The following KIRREL3 variants were observed in gnomAD, a reference collection of about 807,000 sequenced individuals.
The protein encoded by KIRREL3 is kirre like nephrin family adhesion molecule 3.
KIRREL3 carries 36 observed loss-of-function variants against 89.7 expected under a neutral mutation model. The ratio of observed to expected loss-of-function variants is 0.40; its 90% CI spans 0.31 to 0.53. The LOEUF is 0.53. KIRREL3 is among the 20% of genes least tolerant of loss of function. The probability of loss-of-function intolerance (pLI) is 0.49; values close to 1 mark genes in which losing one functional copy is unlikely to be tolerated. For synonymous variants in KIRREL3, 445 were observed against 441.4 expected, an observed-to-expected ratio of 1.01 and a Z score of -0.10; for missense variants, 864 against 1,056.6, an observed-to-expected ratio of 0.82 and a Z score of 2.53.
intron 1 of KIRREL3, among the ~76,000 whole-genome samples, chr11:126,590,886 T>G (rs1196278438): frequency 2.6e-5 from 4 of 152,222 alleles, no homozygotes; most frequent in Non-Finnish European, 4.4e-5. Context: ...AAATTTGTCC[T>G]GTATGTCTCA....
In KIRREL3 at chr11:126,568,132, A is replaced by G. The variant is rs1442116261; in HGVS notation, c.56-5220T>C. Among the ~76,000 whole-genome samples, 1 of 152,130 alleles carries G rather than the reference A, an allele frequency of 6.6e-6. No individual in the cohort carries two copies. Among genetic ancestry groups the G allele is most frequent in the Non-Finnish European group, 1.5e-5 (1 of 68,014 alleles). On this transcript the variant is annotated intron_variant, in intron 1 of 16. Transcript: ENST00000525144. The surrounding 1 kb of genome is among the most constrained non-coding windows in gnomAD (Gnocchi z 4.6). ...AGCAGAAGAAAAAAGATGAGACAGG[A>G]GATCTAGCCAGGGACCAGATCCTGG... is the stretch of plus-strand genomic sequence containing the variant.
At chr11:126,733,291 C>T (rs1025626117) in intron 1 of KIRREL3, among the ~76,000 whole-genome samples, 3 of 152,202 alleles carry the variant, frequency 2.0e-5, no homozygotes, top group African/African-American at 7.2e-5. Flanking sequence ...AGATGAGAAC[C>T]TCAGTCATGG....
At chr11:126,510,469 C>CTTCCTTCCTTCCT (rs1439371645) in intron 4 of KIRREL3, among the ~76,000 whole-genome samples, 7 of 117,250 alleles carry the variant, frequency 6.0e-5, no homozygotes, top group African/African-American at 1.9e-4. Flanking sequence ...TCCTTCCTTC[C>CTTCCTTCCTTCCT]TTTTTTTTGA....
At position 126,987,126 on chromosome 11, in the gene KIRREL3, A is replaced by G. The variant is rs1949890027; in HGVS notation, c.55+13329T>C. Among the ~76,000 whole-genome samples, 1 of 152,332 alleles carries G rather than the reference A, an allele frequency of 6.6e-6. No individual in the cohort carries two copies. The highest frequency in any genetic ancestry group is 1.9e-4 in the East Asian group (1 of 5,180). ...ATCTACGAACTCAGATAACCCAGGA[A>G]CCATAGAAAGACCCTAATACTTCCT... On this transcript the variant is annotated intron_variant, in intron 1 of 16. Coordinates refer to ENST00000525144, the MANE Select transcript of KIRREL3 (RefSeq NM_032531.4). The surrounding 1 kb of genome is among the most constrained non-coding windows in gnomAD (Gnocchi z 4.6).
chr11:126,641,916 G>A lies in KIRREL3; in HGVS notation c.56-79004C>T, dbSNP rs918911962. On this transcript the variant is annotated intron_variant, in intron 1 of 16. Transcript: ENST00000525144. The surrounding 1 kb of genome is among the most constrained non-coding windows in gnomAD (Gnocchi z 5.0). The stretch of plus-strand genomic sequence containing the variant: ...TTCCACTCTTTCTCAGGTCAGGAAC[G>A]TGTCAATTCTGCAACTTCAAGTGGC... Among the ~76,000 whole-genome samples, 3 of 152,278 alleles carry A rather than the reference G, an allele frequency of 2.0e-5. No homozygotes were observed. Among genetic ancestry groups the A allele is most frequent in the African/African-American group, 7.2e-5 (3 of 41,552 alleles).
intron 1 of KIRREL3, among the ~76,000 whole-genome samples, chr11:126,592,844 A>G (rs1424369340): frequency 6.6e-6 from 1 of 152,094 alleles, no homozygotes; most frequent in Non-Finnish European, 1.5e-5. Flanking sequence ...GGAGCAAGAC[A>G]CTCTCAGCTC....
Position 126,669,839 on chromosome 11 carries a change from CT to C in KIRREL3, c.56-106928del, listed in dbSNP as rs1197537444. On this transcript the variant is annotated intron_variant, in intron 1 of 16. Transcript: ENST00000525144. The surrounding 1 kb of genome is among the most constrained non-coding windows in gnomAD (Gnocchi z 5.0). ...TGTAGAGTCAACTGTCTTCCTAAAT[CT>C]TTTTTTGGAGGTCTAATAATTACCG... 6.6e-6 allele frequency among the ~76,000 whole-genome samples: 1 copy of C among 152,120 alleles called. No homozygotes were observed. The highest frequency in any genetic ancestry group is 2.4e-5 in the African/African-American group (1 of 41,418).
intron 1 of KIRREL3, among the ~76,000 whole-genome samples, chr11:126,733,666 G>A (rs1948708264): frequency 6.6e-6 from 1 of 152,168 alleles, no homozygotes; most frequent in African/African-American, 2.4e-5. Context: ...GTTTTGATGT[G>A]CTGTTTACTT....
rs1949855918 is a variant in KIRREL3, at chr11:126,985,993, C to T, written c.55+14462G>A. The stretch of plus-strand genomic sequence containing the variant: ...AAACACGCCAGCTCACTTAGTCTTT[C>T]TGTTTCTCTGTCTCTCCTCTCTGGC... On this transcript the variant is annotated intron_variant, in intron 1 of 16. Transcript: ENST00000525144. The surrounding 1 kb of genome is among the most constrained non-coding windows in gnomAD (Gnocchi z 5.3). Among the ~76,000 whole-genome samples the T allele has an allele frequency of 6.6e-6, 1 of 152,140 alleles. No individual in the cohort carries two copies.
chr11:126,456,636 G>A (rs1956353825), intron 6 of KIRREL3, among the ~76,000 whole-genome samples, 182 bp from the exon 7 acceptor site: 1 of 152,224 alleles, frequency 6.6e-6, no homozygotes, highest in African/African-American at 2.4e-5. Flanking sequence ...CAGTCCTGGA[G>A]GTGGGAACAG....
rs1291612503 is a variant in KIRREL3, at chr11:126,686,231, G to A, written c.56-123319C>T. 6.6e-6 allele frequency among the ~76,000 whole-genome samples: 1 copy of A among 152,208 alleles called. No individual in the cohort carries two copies. Among genetic ancestry groups the A allele is most frequent in the African/African-American group, 2.4e-5 (1 of 41,456 alleles). The stretch of plus-strand genomic sequence containing the variant: ...GCTTTCTCACGTGTGGCGCGGGTGT[G>A]GAGGCAGGTCTCCATGGATTGTACG... On this transcript the variant is annotated intron_variant, in intron 1 of 16. Transcript: ENST00000525144. The surrounding 1 kb of genome is among the most constrained non-coding windows in gnomAD (Gnocchi z 4.7).
chr11:126,577,269 A>C (rs972842860), intron 1 of KIRREL3, among the ~76,000 whole-genome samples: 1 of 152,122 alleles, frequency 6.6e-6, no homozygotes, highest in Non-Finnish European at 1.5e-5. Flanking sequence ...ATTCATCAAA[A>C]TGTCACCTGA....
intron 5 of KIRREL3, among the ~76,000 whole-genome samples, chr11:126,470,042 C>A (rs189399760): frequency 2.0e-5 from 3 of 152,242 alleles, no homozygotes; most frequent in Non-Finnish European, 4.4e-5. Context: ...TCGGGTCCCC[C>A]GCCCTGCTGT....
chr11:126,787,400 C>A (rs1025556952), intron 1 of KIRREL3, among the ~76,000 whole-genome samples: 6 of 152,132 alleles, frequency 3.9e-5, no homozygotes, highest in Non-Finnish European at 7.4e-5. Context: ...ATGCTAAAAA[C>A]AATATAGTCC....
At position 126,471,817 on chromosome 11, in the gene KIRREL3, A is replaced by G. The variant is rs972130277; in HGVS notation, c.591+1492T>C. On this transcript the variant is annotated intron_variant, in intron 5 of 16. Coordinates refer to ENST00000525144, the MANE Select transcript of KIRREL3 (RefSeq NM_032531.4). This position sits in a 1 kb window ranked among gnomAD's most constrained non-coding sequence, Gnocchi z 5.4. ...TCCTTCCCTGGGTCTGCAAGGCCCC[A>G]GATGTCAAAGCATCATAAAATACAC... 6.6e-6 allele frequency among the ~76,000 whole-genome samples: 1 copy of G among 152,226 alleles called. No individual in the cohort carries two copies. The highest frequency in any genetic ancestry group is 2.4e-5 in the African/African-American group (1 of 41,450).
In KIRREL3 at chr11:126,872,491, T is replaced by C. The variant is rs1945139781; in HGVS notation, c.55+127964A>G. ...AGTTGCAAACTGATTTCTTTCACCA[T>C]CATCTCCCCATTGGATTATTTCCTG... On this transcript the variant is annotated intron_variant, in intron 1 of 16. Coordinates refer to ENST00000525144, the MANE Select transcript of KIRREL3 (RefSeq NM_032531.4). This position sits in a 1 kb window ranked among gnomAD's most constrained non-coding sequence, Gnocchi z 4.2. 6.6e-6 allele frequency among the ~76,000 whole-genome samples: 1 copy of C among 152,312 alleles called. No individual in the cohort carries two copies. Among genetic ancestry groups the C allele is most frequent in the South Asian group, 2.1e-4 (1 of 4,830 alleles).
rs1435002343 is a variant in KIRREL3 at position 126,898,328 on chromosome 11, TG to T, written c.55+102126del. Among the ~76,000 whole-genome samples, 33 of 152,214 alleles carry T rather than the reference TG, an allele frequency of 2.2e-4. No individual in the cohort carries two copies. Among genetic ancestry groups the T allele is most frequent in the African/African-American group, 8.0e-4 (33 of 41,448 alleles). On this transcript the variant is annotated intron_variant, in intron 1 of 16. Coordinates refer to ENST00000525144, the MANE Select transcript of KIRREL3 (RefSeq NM_032531.4). This position sits in a 1 kb window ranked among gnomAD's most constrained non-coding sequence, Gnocchi z 4.9. ...CTGAACCAGTGTTGAGAATATAAACTGGTCGGATATTTTAGAATATTCCTGG... is the reference window on the plus strand; with the variant it reads ...CTGAACCAGTGTTGAGAATATAAACTGTCGGATATTTTAGAATATTCCTGG...
chr11:126,866,884 C>T (rs1399579791), intron 1 of KIRREL3, among the ~76,000 whole-genome samples: 1 of 152,128 alleles, frequency 6.6e-6, no homozygotes, highest in Non-Finnish European at 1.5e-5. Flanking sequence ...TCCACCTTGC[C>T]GAGAACTACC....
In KIRREL3 at chr11:126,455,348, G is replaced by C. The variant is rs1197110167; in HGVS notation, c.848+1001C>G. Among the ~76,000 whole-genome samples the C allele has an allele frequency of 6.6e-6, 1 of 152,216 alleles. No homozygotes were observed. The highest frequency in any genetic ancestry group is 1.5e-5 in the Non-Finnish European group (1 of 68,040). The stretch of plus-strand genomic sequence containing the variant: ...AGGCAGAAAGGCGCCCAGAGGAAGC[G>C]TGTGTTTATTGGATCAGTCAGACAC... On this transcript the variant is annotated intron_variant, in intron 7 of 16. Transcript: ENST00000525144. The surrounding 1 kb of genome is among the most constrained non-coding windows in gnomAD (Gnocchi z 6.4).
Sources: allele counts gnomAD v4.1 joint callset (sites outside exome capture counted in the v4.1 genomes callset), GRCh38; gene constraint gnomAD v4.1.1; non-coding constraint Gnocchi (gnomAD v3.1); transcripts MANE v1.5; gene names NCBI Gene and HGNC (gene_info 2026-07-23, HGNC 2026-07-21).